The following DNM2 variants were observed in gnomAD, a reference collection of about 807,000 sequenced individuals.
DNM2 encodes dynamin-2.
DNM2 carries 15 observed loss-of-function variants against 99.0 expected under a neutral mutation model. The observed-to-expected ratio is 0.15, with a 90% CI of 0.10 to 0.23. The LOEUF is 0.23. Ranked by LOEUF, DNM2 falls within the 10% of genes least tolerant of loss-of-function variation. The pLI is 1.00. For missense variants in DNM2, 742 were observed against 1,189.4 expected (o/e 0.62, Z 5.53); for synonymous variants, 525 against 481.2 (o/e 1.09, Z -1.19).
intron 16 of DNM2, among the ~76,000 whole-genome samples, chr19:10,821,751 G>T (rs1211113282): frequency 6.6e-6 from 1 of 152,080 alleles, no homozygotes; most frequent in Non-Finnish European, 1.5e-5. Context: ...GGCTGGGCTC[G>T]AACTCCCAAC....
chr19:10,726,666 C>G (rs989201127), intron 1 of DNM2, among the ~76,000 whole-genome samples: 2 of 152,122 alleles, frequency 1.3e-5, no homozygotes, highest in Non-Finnish European at 2.9e-5. Flanking sequence ...GAGTTCGAGA[C>G]CAGCCTGGCC....
intron 1 of DNM2, among the ~76,000 whole-genome samples, chr19:10,748,351 G>A (rs141732730): frequency 2.6e-4 from 40 of 152,260 alleles, no homozygotes; most frequent in African/African-American, 8.7e-4. Flanking sequence ...CAGGACTCGC[G>A]GCTGGACAAG....
At chr19:10,774,865 G>A (rs757600952) in intron 3 of DNM2, among the ~76,000 whole-genome samples, 8 of 151,258 alleles carry the variant, frequency 5.3e-5, no homozygotes, top group Admixed American at 2.6e-4. Flanking sequence ...CTTCTCCTGG[G>A]CTCAGGCGAT....
intron 18 of DNM2, among the ~76,000 whole-genome samples, chr19:10,827,660 A>G (rs1046055586): frequency 6.6e-6 from 1 of 151,456 alleles, no homozygotes; most frequent in African/African-American, 2.4e-5. Context: ...TCACGAGGTC[A>G]AGAGACTGAG....
chr19:10,757,360 G>T (rs2070427915), intron 1 of DNM2, among the ~76,000 whole-genome samples: 1 of 152,168 alleles, frequency 6.6e-6, no homozygotes, highest in Non-Finnish European at 1.5e-5. Flanking sequence ...TGTGGAAAGA[G>T]CACATCTCCC....
chr19:10,734,836 C>T (rs564252496), intron 1 of DNM2, among the ~76,000 whole-genome samples: 1 of 149,164 alleles, frequency 6.7e-6, no homozygotes, highest in South Asian at 2.1e-4. Flanking sequence ...GACATTGCAT[C>T]TAGTTGTCGG....
intron 7 of DNM2, among the ~76,000 whole-genome samples, chr19:10,790,143 G>A (rs1332138489): frequency 2.0e-5 from 3 of 152,296 alleles, no homozygotes; most frequent in East Asian, 1.9e-4. Context: ...ACAAGAGAAC[G>A]GGAATTACGG....
At chr19:10,763,363 A>G in intron 2 of DNM2, 1 of 152,370 alleles carries the variant, frequency 6.6e-6, no homozygotes. Context: ...GGTATGAGCT[A>G]CCGCGCCTGG....
At chr19:10,826,237 G>C (rs1199079161) in intron 18 of DNM2, among the ~76,000 whole-genome samples, 2 of 152,208 alleles carry the variant, frequency 1.3e-5, no homozygotes, top group Non-Finnish European at 2.9e-5. Flanking sequence ...GCAGGAGGGA[G>C]AACGGCCATC....
In DNM2 at chr19:10,817,883, G is replaced by T. The variant is rs1034934922; in HGVS notation, c.1672-2097G>T. Among the ~76,000 whole-genome samples, 1 of 151,970 alleles carries T rather than the reference G, an allele frequency of 6.6e-6. No individual in the cohort carries two copies. Among genetic ancestry groups the T allele is most frequent in the Non-Finnish European group, 1.5e-5 (1 of 67,954 alleles). ...CGGCCACTGATTTCTCGGCGGAATC[G>T]CACTGTAAACAGTTCCAGATGTGGC... On this transcript the variant is annotated intron_variant, in intron 15 of 20. Transcript: ENST00000389253. The surrounding 1 kb of genome is among the most constrained non-coding windows in gnomAD (Gnocchi z 4.6).
At chr19:10,741,690 C>G (rs2069756342) in intron 1 of DNM2, among the ~76,000 whole-genome samples, 1 of 152,006 alleles carries the variant, frequency 6.6e-6, no homozygotes, top group Non-Finnish European at 1.5e-5. Flanking sequence ...GCTGGGAGTA[C>G]AGGTGTCCGC....
At chr19:10,777,011 G>A (rs2071178076) in intron 4 of DNM2, 107 bp from the exon 5 acceptor site, 2 of 1,046,560 alleles carry the variant, frequency 1.9e-6, no homozygotes, top group Admixed American at 1.7e-5. Context: ...CCCAGGTGAT[G>A]TGACCTGGAA....
chr19:10,742,294 A>G (rs2069782839), intron 1 of DNM2, among the ~76,000 whole-genome samples: 1 of 152,152 alleles, frequency 6.6e-6, no homozygotes, highest in Non-Finnish European at 1.5e-5. Context: ...AGGCTGTGCC[A>G]AGGCTCTTTG....
intron 1 of DNM2, among the ~76,000 whole-genome samples, chr19:10,751,849 A>C (rs1568279183): frequency 6.6e-6 from 1 of 152,192 alleles, no homozygotes; most frequent in Non-Finnish European, 1.5e-5. Context: ...GAAATTAAAC[A>C]CTCGAACAAA....
rs57290103 is a variant in DNM2, at chr19:10,760,827, A to ATTTTTTTTTTTTTTTTTTTTTTTTTTTT, written c.235+1033_235+1034insTTTTTTTTTTTTTTTTTTTTTTTTTTTT. Reference sequence around the variant, plus strand: ...GTGCACACACCACCACACCCAGCTGATTTTTTTTTTTTTTTTTGGTAGAGA... The same window carrying ATTTTTTTTTTTTTTTTTTTTTTTTTTTT: ...GTGCACACACCACCACACCCAGCTGATTTTTTTTTTTTTTTTTTTTTTTTTTTTTTTTTTTTTTTTTTTTTGGTAGAGA... On this transcript the variant is annotated intron_variant, in intron 2 of 20. Coordinates refer to ENST00000389253, the MANE Select transcript of DNM2 (RefSeq NM_001005361.3). Among the ~76,000 whole-genome samples, 2 of 41,260 alleles carry ATTTTTTTTTTTTTTTTTTTTTTTTTTTT rather than the reference A, an allele frequency of 4.8e-5. 1 individual carries two copies. The highest frequency in any genetic ancestry group is 1.9e-4 in the African/African-American group (2 of 10,634). The allele number at this position is 41,260 out of a possible 152,430, so 27.1% of individuals were successfully genotyped here.
chr19:10,756,785 G>A (rs2070402065), intron 1 of DNM2, among the ~76,000 whole-genome samples: 1 of 151,920 alleles, frequency 6.6e-6, no homozygotes, highest in Admixed American at 6.6e-5. Context: ...CTGCCCTCAG[G>A]TTGTGACCAT....
intron 6 of DNM2, among the ~76,000 whole-genome samples, chr19:10,784,714 G>A (rs552923445): frequency 1.8e-4 from 28 of 152,296 alleles, no homozygotes; most frequent in African/African-American, 6.5e-4. Context: ...TGGTCACGGA[G>A]GTCTTTGGGT....
At position 10,783,072 on chromosome 19, in the gene DNM2, C is replaced by T. The variant is rs780755800; in HGVS notation, c.801C>T (p.His267=). Residue 267 remains histidine (H), a synonymous_variant, in exon 6 of 21, where the codon CAC becomes CAT. Transcript: ENST00000389253. ...KFFLSHPAYR[H]MADRMGTPHL... ...TCCTCTCCCACCCGGCCTACCGGCA[C>T]ATGGCCGACCGCATGGGCACGCCAC... The T allele has an allele frequency of 4.3e-6, 7 of 1,613,824 alleles. No individual in the cohort carries two copies. The South Asian group carries it at 6.6e-5, about 15-fold the overall frequency.
intron 6 of DNM2, among the ~76,000 whole-genome samples, chr19:10,784,849 A>C (rs1476034217): frequency 4.0e-5 from 5 of 124,074 alleles, no homozygotes; most frequent in Non-Finnish European, 8.1e-5. Context: ...TTTGAGACAG[A>C]GCCTCACTCT....
Sources: allele counts gnomAD v4.1 joint callset (sites outside exome capture counted in the v4.1 genomes callset), GRCh38; gene constraint gnomAD v4.1.1; non-coding constraint Gnocchi (gnomAD v3.1); transcripts MANE v1.5; gene names NCBI Gene and HGNC (gene_info 2026-07-23, HGNC 2026-07-21).